KLHDC8A: variants seen among roughly 807,000 people sequenced by gnomAD.
KLHDC8A encodes the protein kelch domain containing 8A, also known as kelch domain-containing protein 8A.
Under a neutral mutation model 33.1 loss-of-function variants are expected in KLHDC8A, and 21 were observed. That is an observed-to-expected ratio of 0.64 (90% CI 0.45 to 0.91). The LOEUF is 0.91. Among genes scored for constraint, KLHDC8A ranks in the 40% least tolerant of loss-of-function variants. KLHDC8A has a pLI of 0.00. For missense variants in KLHDC8A, 435 were observed against 483.3 expected (o/e 0.90, Z 0.94); for synonymous variants, 173 against 193.5 (o/e 0.89, Z 0.88).
chr1:205,351,362 A>G, intron 1 of KLHDC8A: 3 of 898,028 alleles, frequency 3.3e-6, no homozygotes, highest in Middle Eastern at 3.3e-4. Flanking sequence ...CCCTTTATGA[A>G]CCTTGTGATA....
rs1186594765 is a variant in KLHDC8A at position 205,338,412 on chromosome 1, CCCTTT to C, written c.859+78_859+82del. On this transcript the variant is annotated intron_variant, in intron 5 of 5. Transcript: ENST00000367155. ...GCAGGTGGTCTGCAGGGAGTCAGTA[CCCTTT>C]CCTGCATATGCAAAGTGCCAAGGAT... 46 of 1,090,978 alleles carry C rather than the reference CCCTTT, an allele frequency of 4.2e-5. 1 individual carries two copies. Among genetic ancestry groups the C allele is most frequent in the South Asian group, 1.9e-4 (15 of 77,540 alleles). The allele number at this position is 1,090,978 out of a possible 1,614,324, so 67.6% of individuals were successfully genotyped here. A position where few individuals can be genotyped will look rare whatever the true frequency, so the allele number is the denominator to read the frequency against.
rs190376620 is a variant in KLHDC8A, at chr1:205,350,076, C to T, written c.-189-6283G>A. 3.9e-5 allele frequency among the ~76,000 whole-genome samples: 6 copies of T among 152,322 alleles called. No homozygotes were observed. In the East Asian group the frequency reaches 9.7e-4, roughly 25 times the overall value. On this transcript the variant is annotated intron_variant, in intron 1 of 5. Transcript: ENST00000367155. ...AAGCAGCAGATTCTAGAACGAACAC[C>T]CTCACATTCTGCCAGGTGATACGAT...
At position 205,339,407 on chromosome 1, in the gene KLHDC8A, C is replaced by T; in HGVS notation, c.544G>A (p.Gly182Arg). The change falls in exon 4 of 6, where the codon GGA becomes AGA. Residue 182 changes from glycine to arginine, a missense_variant and splice_region_variant. Transcript: ENST00000367155. This position sits in a 1 kb window ranked among gnomAD's most constrained non-coding sequence, Gnocchi z 5.1. ...TTGACCGCGTACTTGGACTGTCGTC[C>T]CCCTGGGGGCCAGAGCAGGATAGAG... ...LRGSKIYVLG[G>R]RQSKYAVNAF... 3 of 1,612,902 alleles carry T rather than the reference C, an allele frequency of 1.9e-6. No homozygotes were observed. Among genetic ancestry groups the T allele is most frequent in the Non-Finnish European group, 1.7e-6 (2 of 1,179,316 alleles).
At chr1:205,337,974 C>T (rs1558683220) in intron 5 of KLHDC8A, among the ~76,000 whole-genome samples, 1 of 152,192 alleles carries the variant, frequency 6.6e-6, no homozygotes, top group Non-Finnish European at 1.5e-5. Flanking sequence ...TACCTGGAAG[C>T]CCTGCTGCCT....
intron 1 of KLHDC8A, among the ~76,000 whole-genome samples, chr1:205,350,859 ATGTG>A (rs746675552): frequency 1.9e-5 from 2 of 104,218 alleles, no homozygotes; most frequent in Admixed American, 9.4e-5. Context: ...GTGTGTGTGC[ATGTG>A]TGTGTGTGTG....
At chr1:205,347,453 C>T (rs1274012798) in intron 1 of KLHDC8A, among the ~76,000 whole-genome samples, 1 of 152,204 alleles carries the variant, frequency 6.6e-6, no homozygotes, top group Non-Finnish European at 1.5e-5. Context: ...GATGTGGTGG[C>T]TTGTGCCTGT....
Position 205,356,807 on chromosome 1 carries a change from C to A in KLHDC8A, c.-464G>T, listed in dbSNP as rs1007953251. The stretch of plus-strand genomic sequence containing the variant: ...CCTGAATGCACAGAAACTTGGGGTC[C>A]CTGAGTTCCAGGAGGCGTGACCCCC... On this transcript the variant is annotated 5_prime_UTR_variant, in exon 1 of 6. Coordinates refer to ENST00000367155, the MANE Select transcript of KLHDC8A (RefSeq NM_018203.3). The A allele has an allele frequency of 6.9e-6, 2 of 291,038 alleles. No individual in the cohort carries two copies. The highest frequency in any genetic ancestry group is 8.9e-5 in the Admixed American group (2 of 22,592). The allele number at this position is 291,038 out of a possible 1,614,324, so 18.0% of individuals were successfully genotyped here.
At chr1:205,344,411 T>G (rs909679181) in intron 1 of KLHDC8A, 8 of 152,340 alleles carry the variant, frequency 5.3e-5, no homozygotes, top group African/African-American at 1.4e-4. Flanking sequence ...GGACACAGCG[T>G]GCTGTGACCT....
chr1:205,350,314 G>A (rs1281446738), intron 1 of KLHDC8A, among the ~76,000 whole-genome samples: 1 of 152,164 alleles, frequency 6.6e-6, no homozygotes, highest in Non-Finnish European at 1.5e-5. Flanking sequence ...GCACCCACCT[G>A]CTTCCTGTTG....
chr1:205,343,099 C>CTA, intron 2 of KLHDC8A, 130 bp downstream of exon 2: 1 of 1,326,118 alleles, frequency 7.5e-7, no homozygotes, highest in Non-Finnish European at 1.0e-6. Context: ...TTTTGCTGAA[C>CTA]GCATGGGGTC....
Position 205,339,265 on chromosome 1 carries a change from C to A in KLHDC8A, c.686G>T (p.Gly229Val). Reference protein sequence around the residue: ...TLDNHLYSLGGLRQGRLYRQP... With the variant: ...TLDNHLYSLGVLRQGRLYRQP... ...CCGGTAGAGGCGACCTTGCCGCAGGCCTCCTAGGCTGTACAAGTGGTTGTC... is the reference window on the plus strand; with the variant it reads ...CCGGTAGAGGCGACCTTGCCGCAGGACTCCTAGGCTGTACAAGTGGTTGTC... Residue 229 changes from glycine to valine, a missense_variant, in exon 4 of 6, where the codon GGC becomes GTC. Physicochemically the swap from Gly to Val is moderately radical, Grantham distance 109. Coordinates refer to ENST00000367155, the MANE Select transcript of KLHDC8A (RefSeq NM_018203.3). The surrounding 1 kb of genome is among the most constrained non-coding windows in gnomAD (Gnocchi z 5.1). 1 of 1,614,168 alleles carries A rather than the reference C, an allele frequency of 6.2e-7. No individual in the cohort carries two copies. Among genetic ancestry groups the A allele is most frequent in the Non-Finnish European group, 8.5e-7 (1 of 1,180,010 alleles).
At chr1:205,351,117 C>T (rs1245439203) in intron 1 of KLHDC8A, 1 of 638,308 alleles carries the variant, frequency 1.6e-6, no homozygotes, top group Non-Finnish European at 2.9e-6. Flanking sequence ...GGGTCCACTC[C>T]CCGAAGATTC....
Position 205,337,214 on chromosome 1 carries a change from T to G in KLHDC8A, c.*185A>C, listed in dbSNP as rs1166502593. The G allele has an allele frequency of 1.9e-5, 11 of 592,618 alleles. No homozygotes were observed. The highest frequency in any genetic ancestry group is 3.0e-5 in the Non-Finnish European group (10 of 333,306). 36.7% of individuals were successfully genotyped at this position (592,618 alleles called of 1,614,324 possible). The stretch of plus-strand genomic sequence containing the variant: ...GTGGAGTCATCTGTGCCTCTTACAG[T>G]TTTCTGAGATTGGTAGGATTTGGAG... On this transcript the variant is annotated 3_prime_UTR_variant, in exon 6 of 6. Coordinates refer to ENST00000367155, the MANE Select transcript of KLHDC8A (RefSeq NM_018203.3).
At chr1:205,347,731 T>G (rs539049612) in intron 1 of KLHDC8A, among the ~76,000 whole-genome samples, 100 of 152,184 alleles carry the variant, frequency 6.6e-4, no homozygotes, top group African/African-American at 2.3e-3. Flanking sequence ...AAAAAAGTGT[T>G]TCATTTTTCC....
rs1426037489 is a variant in KLHDC8A at position 205,337,540 on chromosome 1, G to C, written c.912C>G (p.Asn304Lys). ...ETAEAFHPGK[N>K]KWEILPAMPT... ...GCATGGCAGGGAGGATCTCCCATTTGTTCTTCCCTGGGTGGAATGCTTCCG... is the reference window on the plus strand; with the variant it reads ...GCATGGCAGGGAGGATCTCCCATTTCTTCTTCCCTGGGTGGAATGCTTCCG... Residue 304 changes from asparagine (N) to lysine (K), a missense_variant, in exon 6 of 6, where the codon AAC becomes AAG. Coordinates refer to ENST00000367155, the MANE Select transcript of KLHDC8A (RefSeq NM_018203.3). The C allele has an allele frequency of 6.2e-7, 1 of 1,614,002 alleles. No individual in the cohort carries two copies. The highest frequency in any genetic ancestry group is 8.5e-7 in the Non-Finnish European group (1 of 1,179,964).
Position 205,343,616 on chromosome 1 carries a change from G to C in KLHDC8A, c.-12C>G. On this transcript the variant is annotated 5_prime_UTR_variant, in exon 2 of 6. Transcript: ENST00000367155. ...TTAGGCACCTCCATGGCAGCCTTGGGGAGCGCCCGGGCGCCGGGAGAGGTG... is the reference window on the plus strand; with the variant it reads ...TTAGGCACCTCCATGGCAGCCTTGGCGAGCGCCCGGGCGCCGGGAGAGGTG... 1.9e-6 allele frequency: 3 copies of C among 1,557,010 alleles called. No individual in the cohort carries two copies. The highest frequency in any genetic ancestry group is 2.4e-5 in the South Asian group (2 of 84,790).
In KLHDC8A at chr1:205,343,527, C is replaced by A; in HGVS notation, c.78G>T (p.Leu26=). 1 of 1,613,288 alleles carries A rather than the reference C, an allele frequency of 6.2e-7. No homozygotes were observed. Among genetic ancestry groups the A allele is most frequent in the Non-Finnish European group, 8.5e-7 (1 of 1,179,834 alleles). ...PLPSRRVYCS[L]LETGGQVYAI... is the part of the protein sequence containing the mutation. ...CATAGACCTGGCCCCCGGTCTCCAG[C>A]AGGGAGCAGTAGACCCGGCGGCTGG... Residue 26 remains leucine (L), a synonymous_variant, in exon 2 of 6, where the codon CTG becomes CTT. Transcript: ENST00000367155.
Position 205,343,420 on chromosome 1 carries a change from A to T in KLHDC8A, c.185T>A (p.Leu62Ter). Residue 62 changes from leucine (L) to a stop codon, truncating the protein, a stop_gained, in exon 2 of 6, where the codon TTG becomes TAG. Transcript: ENST00000367155. LOFTEE classifies it high-confidence loss of function. ...CGCCCGGGCTGTGGGCAGCCGGGGC[A>T]AGGCGGTCCACTGGTCGGCCTCCGG... ...YSPEADQWTA[L>*]PRLPTARAGV... 6.2e-7 allele frequency: 1 copy of T among 1,613,382 alleles called. No homozygotes were observed. The highest frequency in any genetic ancestry group is 8.5e-7 in the Non-Finnish European group (1 of 1,179,820).
intron 1 of KLHDC8A, chr1:205,351,443 G>A: frequency 1.3e-6 from 1 of 792,322 alleles, no homozygotes. Context: ...TGAGGAAATA[G>A]TATCATCATG....
Sources: allele counts gnomAD v4.1 joint callset (sites outside exome capture counted in the v4.1 genomes callset), GRCh38; gene constraint gnomAD v4.1.1; non-coding constraint Gnocchi (gnomAD v3.1); transcripts MANE v1.5; gene names NCBI Gene and HGNC (gene_info 2026-07-23, HGNC 2026-07-21).